Variants in COLEC10 observed in about 807,000 individuals in gnomAD.
COLEC10 encodes the protein collectin-10.
COLEC10 carries 22 observed loss-of-function variants against 28.4 expected under a neutral mutation model. That is an observed-to-expected ratio of 0.78 (90% CI 0.55 to 1.11). The LOEUF is 1.11. Ranked by LOEUF, COLEC10 falls within the 50% of genes least tolerant of loss-of-function variation. COLEC10 has a pLI of 0.00. For missense variants in COLEC10, 361 were observed against 344.1 expected (o/e 1.05, Z -0.39); for synonymous variants, 125 against 116.1 (o/e 1.08, Z -0.49).
chr8:119,013,195 A>G (rs1448301212), intron 2 of COLEC10, among the ~76,000 whole-genome samples: 3 of 150,396 alleles, frequency 2.0e-5, no homozygotes, highest in Admixed American at 1.3e-4. Flanking sequence ...ATATTTTTAA[A>G]TCTCTATAGG....
chr8:119,104,510 T>G (rs1815900580), intron 5 of COLEC10, among the ~76,000 whole-genome samples: 1 of 152,190 alleles, frequency 6.6e-6, no homozygotes, highest in South Asian at 2.1e-4. Flanking sequence ...TTGTCCATTT[T>G]TTAATGCTAG....
At chr8:119,105,336 T>C (rs983330723) in intron 5 of COLEC10, among the ~76,000 whole-genome samples, 1 of 152,094 alleles carries the variant, frequency 6.6e-6, no homozygotes, top group African/African-American at 2.4e-5. Context: ...TCCAAGGGCA[T>C]TGGAAAGACT....
At chr8:119,039,852 G>A (rs1281618982) in intron 2 of COLEC10, among the ~76,000 whole-genome samples, 2 of 152,014 alleles carry the variant, frequency 1.3e-5, no homozygotes, top group African/African-American at 4.8e-5. Flanking sequence ...AAGGACTCTG[G>A]TGATTATATT....
intron 2 of COLEC10, among the ~76,000 whole-genome samples, chr8:119,056,442 C>T (rs1392072687): frequency 6.6e-6 from 1 of 152,004 alleles, no homozygotes; most frequent in East Asian, 1.9e-4. Context: ...AGCTCTTGAT[C>T]CACAACCTTT....
At chr8:119,048,015 A>T (rs1051970491) in intron 2 of COLEC10, among the ~76,000 whole-genome samples, 2 of 152,170 alleles carry the variant, frequency 1.3e-5, no homozygotes, top group African/African-American at 4.8e-5. Context: ...GGGGTTTTTT[A>T]AATTATCTTT....
chr8:119,030,956 G>A (rs975656862), intron 2 of COLEC10, among the ~76,000 whole-genome samples: 2 of 152,164 alleles, frequency 1.3e-5, no homozygotes, highest in Non-Finnish European at 2.9e-5. Context: ...ATCACACTCT[G>A]TTGGACTCTA....
chr8:118,986,405 T>C, the COLEC10 span, among the ~76,000 whole-genome samples: 1 of 152,198 alleles, frequency 6.6e-6, no homozygotes, highest in South Asian at 2.1e-4. Flanking sequence ...AAGAGAACAA[T>C]GTGATTGAAA....
Position 119,091,569 on chromosome 8 carries a change from AAGAAAG to A in COLEC10, c.292+353_292+358del, listed in dbSNP as rs1423517325. ...GACCCTGTCTCGAAAGAAAGAAAGAAAGAAAGAGAGAGAGAGAGAGAGAGAGAGAAA... is the reference window on the plus strand; with the variant it reads ...GACCCTGTCTCGAAAGAAAGAAAGAAAGAGAGAGAGAGAGAGAGAGAGAAA... On this transcript the variant is annotated intron_variant, in intron 3 of 5. Coordinates refer to ENST00000332843, the MANE Select transcript of COLEC10 (RefSeq NM_006438.5). Among the ~76,000 whole-genome samples, 3 of 132,508 alleles carry A rather than the reference AAGAAAG, an allele frequency of 2.3e-5. No individual in the cohort carries two copies. The East Asian group carries it at 7.1e-4, about 31-fold the overall frequency. 86.9% of individuals were successfully genotyped at this position (132,508 alleles called of 152,430 possible). A position where few individuals can be genotyped will look rare whatever the true frequency, so the allele number is the denominator to read the frequency against.
At chr8:119,070,003 AT>A (rs901532024) in intron 1 of COLEC10, among the ~76,000 whole-genome samples, 2 of 152,166 alleles carry the variant, frequency 1.3e-5, no homozygotes, top group African/African-American at 4.8e-5. Context: ...ATTATTTAGA[AT>A]TGCAGAATGG....
chr8:119,037,181 A>C (rs913624655), intron 2 of COLEC10, among the ~76,000 whole-genome samples: 1 of 152,192 alleles, frequency 6.6e-6, no homozygotes, highest in African/African-American at 2.4e-5. Flanking sequence ...ATCTTCATAC[A>C]TCTCTAAGAT....
intron 2 of COLEC10, among the ~76,000 whole-genome samples, chr8:119,033,154 A>G (rs1330638143): frequency 1.3e-5 from 2 of 152,176 alleles, no homozygotes; most frequent in Non-Finnish European, 2.9e-5. Context: ...TGAACGTAAC[A>G]GCACTTTCTA....
the COLEC10 span, among the ~76,000 whole-genome samples, chr8:118,980,824 T>C: frequency 6.6e-6 from 1 of 152,100 alleles, no homozygotes; most frequent in Non-Finnish European, 1.5e-5. Flanking sequence ...AAGATGGTCT[T>C]CCCATTATGT....
At chr8:119,078,217 A>G (rs778469674) in intron 1 of COLEC10, among the ~76,000 whole-genome samples, 4 of 152,222 alleles carry the variant, frequency 2.6e-5, no homozygotes, top group Non-Finnish European at 4.4e-5. Flanking sequence ...CTGCTAACCT[A>G]ATTTTAATTG....
chr8:118,993,660 C>T (rs1490903992), upstream of COLEC10, among the ~76,000 whole-genome samples: 1 of 152,072 alleles, frequency 6.6e-6, no homozygotes, highest in Admixed American at 6.6e-5. Flanking sequence ...CAGCCATGGT[C>T]TTTCTTCTAT....
At chr8:119,098,729 C>A (rs16892003) in intron 3 of COLEC10, among the ~76,000 whole-genome samples, 10,321 of 152,072 alleles carry the variant, frequency 0.068, 1,140 homozygotes, top group African/African-American at 0.23. Flanking sequence ...CCTATAAGTA[C>A]CACTTTTCCT....
Position 119,016,720 on chromosome 8 carries a change from TTTTG to T in COLEC10, n.235+7180_235+7183del, listed in dbSNP as rs993379329. On this transcript the variant is annotated intron_variant and non_coding_transcript_variant, in intron 2 of 6. Coordinates refer to the COLEC10 transcript ENST00000521788. ...GATTTTTTGTTTCTTTGGTTGGTTG[TTTTG>T]TTTGTTTGTTTGAGACAGAGTCTTG... Among the ~76,000 whole-genome samples the T allele has an allele frequency of 4.2e-4, 64 of 152,152 alleles. 1 individual carries two copies. The highest frequency in any genetic ancestry group is 1.4e-3 in the Admixed American group (21 of 15,282).
At chr8:119,052,909 C>T (rs1160632013) in intron 2 of COLEC10, among the ~76,000 whole-genome samples, 1 of 151,896 alleles carries the variant, frequency 6.6e-6, no homozygotes, top group Non-Finnish European at 1.5e-5. Flanking sequence ...TCTTTGGCAG[C>T]CAAAGAGAGC....
intron 3 of COLEC10, among the ~76,000 whole-genome samples, chr8:119,101,902 G>A (rs956575835): frequency 2.0e-5 from 3 of 151,970 alleles, no homozygotes; most frequent in Admixed American, 1.3e-4. Flanking sequence ...CAAATTGATC[G>A]AGATTCACAT....
chr8:119,070,442 C>CTCTCTCTCTCTCT (rs1815080428), intron 1 of COLEC10, among the ~76,000 whole-genome samples: 2 of 130,334 alleles, frequency 1.5e-5, no homozygotes, highest in Admixed American at 8.1e-5. Flanking sequence ...AAATGTTCTC[C>CTCTCTCTCTCTCT]CTCGCTCTCT....
Sources: allele counts gnomAD v4.1 joint callset (sites outside exome capture counted in the v4.1 genomes callset), GRCh38; gene constraint gnomAD v4.1.1; transcripts MANE v1.5; gene names NCBI Gene and HGNC (gene_info 2026-07-23, HGNC 2026-07-21).